Variants in SLC26A3 observed in about 807,000 individuals in gnomAD.
SLC26A3 encodes solute carrier family 26 member 3.
A neutral mutation model predicts 85.6 loss-of-function variants in SLC26A3; 64 were observed. That is an observed-to-expected ratio of 0.75 (90% confidence interval 0.61 to 0.92). The LOEUF (loss-of-function observed/expected upper bound fraction) is 0.92, where lower values mean the gene tolerates loss of function less well. Among genes scored for constraint, SLC26A3 ranks in the 40% least tolerant of loss-of-function variants. The pLI is 0.00. For missense variants in SLC26A3, 922 were observed against 927.3 expected (o/e 0.99, Z 0.07); for synonymous variants, 349 against 336.0 (o/e 1.04, Z -0.42).
intron 17 of SLC26A3, among the ~76,000 whole-genome samples, chr7:107,772,716 AG>A (rs1794046255): frequency 6.6e-6 from 1 of 152,192 alleles, no homozygotes; most frequent in Non-Finnish European, 1.5e-5. Context: ...ACTAAGAATT[AG>A]AGCCCCTGTC....
chr7:107,785,239 A>T (rs1008707), intron 8 of SLC26A3, among the ~76,000 whole-genome samples: 112,334 of 152,142 alleles, frequency 0.74, 42,727 homozygotes, highest in African/African-American at 0.93. Flanking sequence ...TTAGCCTCAT[A>T]TTTACAGCCA....
chr7:107,769,415 AC>A (rs879872327), intron 18 of SLC26A3, among the ~76,000 whole-genome samples: 17 of 152,164 alleles, frequency 1.1e-4, no homozygotes, highest in Non-Finnish European at 2.1e-4. Context: ...TTAAAAAAAA[AC>A]AATATCCTTT....
Position 107,767,991 on chromosome 7 carries a change from C to G in SLC26A3, c.2063-83G>C, listed in dbSNP as rs145875309. The G allele has an allele frequency of 8.3e-4, 1,082 of 1,309,278 alleles. 1 individual carries two copies. The highest frequency in any genetic ancestry group is 2.3e-3 in the Middle Eastern group (11 of 4,726). The allele number at this position is 1,309,278 out of a possible 1,614,324, so 81.1% of individuals were successfully genotyped here. The stretch of plus-strand genomic sequence containing the variant: ...CCCTTGAGGCTAGTAATTTCACCTT[C>G]CATTTGCAAATGTGCGTTTCATTGA... On this transcript the variant is annotated intron_variant, in intron 18 of 20. Transcript: ENST00000340010.
At chr7:107,792,338 A>G (rs1794416719) in intron 3 of SLC26A3, among the ~76,000 whole-genome samples, 1 of 152,066 alleles carries the variant, frequency 6.6e-6, no homozygotes, top group Non-Finnish European at 1.5e-5. Flanking sequence ...ATTTAATGAA[A>G]TAATTATACA....
chr7:107,765,766 T>TA lies in SLC26A3; in HGVS notation c.*88dup. On this transcript the variant is annotated 3_prime_UTR_variant, in exon 21 of 21. Coordinates refer to ENST00000340010, the MANE Select transcript of SLC26A3 (RefSeq NM_000111.3). ...CATATTCTGTCAAAAATACTCTTCGTACAATGTATGAACTTATCAATAACT... is the reference window on the plus strand; with the variant it reads ...CATATTCTGTCAAAAATACTCTTCGTAACAATGTATGAACTTATCAATAACT... The TA allele has an allele frequency of 1.0e-6, 1 of 975,764 alleles. No homozygotes were observed. The highest frequency in any genetic ancestry group is 1.7e-6 in the Non-Finnish European group (1 of 605,454). The allele number at this position is 975,764 out of a possible 1,614,324, so 60.4% of individuals were successfully genotyped here. A position where few individuals can be genotyped will look rare whatever the true frequency, so the allele number is the denominator to read the frequency against.
At chr7:107,777,930 T>C (rs1311925013) in intron 13 of SLC26A3, among the ~76,000 whole-genome samples, 1 of 152,222 alleles carries the variant, frequency 6.6e-6, no homozygotes, top group African/African-American at 2.4e-5. Flanking sequence ...TTATTTGAAC[T>C]GGAGTCAAAG....
At chr7:107,801,422 G>A (rs1794597525) in intron 1 of SLC26A3, among the ~76,000 whole-genome samples, 1 of 152,152 alleles carries the variant, frequency 6.6e-6, no homozygotes, top group Non-Finnish European at 1.5e-5. Context: ...TGAGCCTGGT[G>A]GCCTGGGGAC....
chr7:107,773,321 A>T (rs1212155764), intron 17 of SLC26A3, among the ~76,000 whole-genome samples: 1 of 152,188 alleles, frequency 6.6e-6, no homozygotes, highest in East Asian at 1.9e-4. Context: ...AAGATTTGAG[A>T]ACACCACAGA....
chr7:107,769,883 T>C (rs901714005), intron 18 of SLC26A3, among the ~76,000 whole-genome samples: 3 of 152,116 alleles, frequency 2.0e-5, no homozygotes, highest in African/African-American at 7.2e-5. Context: ...CTAAGTACTG[T>C]CAAGGTTGAC....
At chr7:107,777,460 GGCACCTATAGTCCCA>G (rs1794136239) in intron 13 of SLC26A3, among the ~76,000 whole-genome samples, 1 of 152,062 alleles carries the variant, frequency 6.6e-6, no homozygotes, top group Non-Finnish European at 1.5e-5. Flanking sequence ...GCCAGTGGCA[GGCACCTATAGTCCCA>G]GCTACTTGGG....
intron 20 of SLC26A3, among the ~76,000 whole-genome samples, chr7:107,766,577 A>G (rs902762098): frequency 1.3e-5 from 2 of 152,136 alleles, no homozygotes; most frequent in East Asian, 3.9e-4. Context: ...TTGCTACTTG[A>G]TACCACTCTT....
At chr7:107,791,367 T>C (rs1794399051) in intron 4 of SLC26A3, 132 bp from the exon 5 acceptor site, 1 of 966,298 alleles carries the variant, frequency 1.0e-6, no homozygotes, top group Admixed American at 1.8e-5. Context: ...ATCCCAGCAC[T>C]TTGGGAGGCC....
chr7:107,779,887 C>A, intron 11 of SLC26A3, 124 bp from the exon 12 acceptor site: 1 of 797,406 alleles, frequency 1.3e-6, no homozygotes, highest in Non-Finnish European at 2.1e-6. Flanking sequence ...AGCATTACAC[C>A]CTTTTCCGGT....
rs944221660 is a variant in SLC26A3, at chr7:107,774,757, A to T, written c.1773+20T>A. 1.3e-6 allele frequency: 2 copies of T among 1,570,870 alleles called. No homozygotes were observed. The highest frequency in any genetic ancestry group is 2.7e-5 in the African/African-American group (2 of 74,088). On this transcript the variant is annotated intron_variant, in intron 16 of 20. Coordinates refer to ENST00000340010, the MANE Select transcript of SLC26A3 (RefSeq NM_000111.3). ...TAAGCTTTTAGCTATAATGCATAGA[A>T]ATGTGGTCAAGGAACTTACTGGTGT...
chr7:107,776,552 G>A lies in SLC26A3; in HGVS notation c.1585-8C>T. ...TCCTTCTGGCTCATACATCTGTAAGGCAGAGAAGCATTGTTAGGTGTTGCC... is the reference window on the plus strand; with the variant it reads ...TCCTTCTGGCTCATACATCTGTAAGACAGAGAAGCATTGTTAGGTGTTGCC... On this transcript the variant is annotated splice_polypyrimidine_tract_variant and splice_region_variant and intron_variant, in intron 14 of 20. Coordinates refer to ENST00000340010, the MANE Select transcript of SLC26A3 (RefSeq NM_000111.3). The A allele has an allele frequency of 6.2e-7, 1 of 1,612,202 alleles. No individual in the cohort carries two copies.
At chr7:107,772,856 G>C (rs369562130) in intron 17 of SLC26A3, among the ~76,000 whole-genome samples, 18 of 151,962 alleles carry the variant, frequency 1.2e-4, no homozygotes, top group Non-Finnish European at 1.5e-5. Flanking sequence ...AAAAGAAAAC[G>C]CAAGTAGACT....
At chr7:107,790,892 G>T (rs888918518) in intron 5 of SLC26A3, among the ~76,000 whole-genome samples, 156 bp downstream of exon 5, 7 of 152,184 alleles carry the variant, frequency 4.6e-5, no homozygotes, top group Non-Finnish European at 1.0e-4. Flanking sequence ...TGGTTGTGGT[G>T]AGTGACCCTT....
chr7:107,771,681 G>A (rs1794033393), intron 18 of SLC26A3, among the ~76,000 whole-genome samples: 1 of 152,162 alleles, frequency 6.6e-6, no homozygotes, highest in African/African-American at 2.4e-5. Flanking sequence ...TGATAACCTT[G>A]GCAAGGATGG....
chr7:107,782,846 A>G lies in SLC26A3; in HGVS notation c.1262T>C (p.Val421Ala). The change falls in exon 11 of 21, where the codon GTG (valine) becomes GCG (alanine). Residue 421 changes from valine (V) to alanine (A), a missense_variant. Physicochemically the swap from Val to Ala is moderately conservative, Grantham distance 64. Transcript: ENST00000340010. ...TCCAATGGCTAGAACGACAATCAGC[A>G]CGATGATGGCACCAATAAGCCCAGC... The part of the protein sequence containing the change: ...QIAGLIGAII[V>A]LIVVLAIGFL... 6.2e-7 allele frequency: 1 copy of G among 1,614,186 alleles called. No homozygotes were observed. Among genetic ancestry groups the G allele is most frequent in the African/African-American group, 1.3e-5 (1 of 75,052 alleles).
Sources: gnomAD v4.1 joint callset for allele counts (sites outside exome capture counted in the v4.1 genomes callset) on GRCh38, gnomAD v4.1.1 for gene constraint, MANE v1.5 for transcripts, NCBI Gene and HGNC (gene_info 2026-07-23, HGNC 2026-07-21) for gene names.